STOX2: variants seen among roughly 807,000 people sequenced by gnomAD.
STOX2 encodes the protein storkhead box 2, also known as storkhead-box protein 2.
In STOX2, 28 loss-of-function variants were observed where a neutral mutation model predicts 60.9. The ratio of observed to expected loss-of-function variants is 0.46; its 90% CI spans 0.34 to 0.63. STOX2 has a LOEUF of 0.63. Ranked by LOEUF, STOX2 falls within the 30% of genes least tolerant of loss-of-function variation. The pLI, the probability that STOX2 is intolerant of heterozygous loss-of-function variation, is 0.01. For synonymous variants in STOX2, 472 were observed against 463.9 expected (o/e 1.02, Z -0.22); for missense variants, 1,024 against 1,187.7 (o/e 0.86, Z 2.03).
At chr4:184,016,626 C>T (rs528270217) in intron 3 of STOX2, among the ~76,000 whole-genome samples, 1 of 152,108 alleles carries the variant, frequency 6.6e-6, no homozygotes, top group Admixed American at 6.6e-5. Flanking sequence ...CCCCCACAGT[C>T]GAAATCTGCT....
In STOX2 at chr4:184,018,229, T is replaced by C. The variant is rs1483671949; in HGVS notation, c.*945T>C. On this transcript the variant is annotated 3_prime_UTR_variant, in exon 4 of 4. Coordinates refer to ENST00000308497, the MANE Select transcript of STOX2 (RefSeq NM_020225.3). Reference sequence around the variant, plus strand: ...ATTAGTTTGTTTAAAAGCAAAATGTTCTTTGTGATACAAATGAAGAGTAGG... The same window carrying C: ...ATTAGTTTGTTTAAAAGCAAAATGTCCTTTGTGATACAAATGAAGAGTAGG... The C allele has an allele frequency of 1.3e-5, 2 of 152,250 alleles. No homozygotes were observed. Among genetic ancestry groups the C allele is most frequent in the Non-Finnish European group, 2.9e-5 (2 of 68,046 alleles). 9.4% of individuals were successfully genotyped at this position (152,250 alleles called of 1,614,324 possible).
chr4:183,936,472 T>C (rs914694252), intron 1 of STOX2, among the ~76,000 whole-genome samples: 8 of 152,130 alleles, frequency 5.3e-5, no homozygotes, highest in African/African-American at 1.9e-4. Flanking sequence ...ATCTTTTACT[T>C]TATTGTAAGG....
At chr4:183,916,972 C>T (rs1449100740) in intron 1 of STOX2, among the ~76,000 whole-genome samples, 7 of 152,302 alleles carry the variant, frequency 4.6e-5, no homozygotes, top group Non-Finnish European at 7.3e-5. Flanking sequence ...GCACTTCTTG[C>T]GCACCTCTGA....
At chr4:184,000,114 G>A (rs758275407) in intron 1 of STOX2, among the ~76,000 whole-genome samples, 2 of 152,176 alleles carry the variant, frequency 1.3e-5, no homozygotes, top group South Asian at 2.1e-4. Flanking sequence ...AGAACCCCAG[G>A]TATAAAACAG....
rs148924692 is a variant in STOX2, at chr4:183,924,719, G to A, written c.166+17763G>A. ...GCCTAGAGGAAGAAACTGATAGGCC[G>A]GCAGTGGATAGAGATAGGCTCGCAA... On this transcript the variant is annotated intron_variant, in intron 1 of 3. Coordinates refer to ENST00000308497, the MANE Select transcript of STOX2 (RefSeq NM_020225.3). Among the ~76,000 whole-genome samples, 4 of 152,230 alleles carry A rather than the reference G, an allele frequency of 2.6e-5. No homozygotes were observed. The East Asian group carries it at 5.8e-4, about 22-fold the overall frequency.
chr4:183,874,953 ATATATATATATATATATATATATATAT>A (rs1369638143), intron 1 of STOX2, among the ~76,000 whole-genome samples: 6 of 24,610 alleles, frequency 2.4e-4, no homozygotes, highest in African/African-American at 1.0e-3. Context: ...AAAAAAAAAA[ATATATATATATATATATATATATATAT>A]ATATATATAT....
At chr4:183,976,055 G>A (rs1349429720) in intron 1 of STOX2, among the ~76,000 whole-genome samples, 2 of 152,230 alleles carry the variant, frequency 1.3e-5, no homozygotes, top group African/African-American at 4.8e-5. Flanking sequence ...GCTCACAGCT[G>A]TAATCCCAGC....
rs1739313413 is a variant in STOX2, at chr4:183,821,971, T to C, written c.364+23916T>C. Reference sequence around the variant, plus strand: ...GGACGCTTGTGTGTGGAAAAGGTGATACAGTTTGTGTCGGGTCTTGCAGCC... The same window carrying C: ...GGACGCTTGTGTGTGGAAAAGGTGACACAGTTTGTGTCGGGTCTTGCAGCC... On this transcript the variant is annotated intron_variant, in intron 1 of 2. Coordinates refer to the STOX2 transcript ENST00000513034. This position sits in a 1 kb window ranked among gnomAD's most constrained non-coding sequence, Gnocchi z 4.2. Among the ~76,000 whole-genome samples, 1 of 152,236 alleles carries C rather than the reference T, an allele frequency of 6.6e-6. No homozygotes were observed. The highest frequency in any genetic ancestry group is 2.4e-5 in the African/African-American group (1 of 41,468).
intron 1 of STOX2, among the ~76,000 whole-genome samples, chr4:183,884,557 A>G (rs35374399): frequency 0.28 from 42,334 of 152,024 alleles, 6,529 homozygotes; most frequent in South Asian, 0.35. Context: ...GAAGGATTTT[A>G]GAGGAGACAG....
At chr4:183,858,922 C>T (rs1055602238) in intron 1 of STOX2, among the ~76,000 whole-genome samples, 3 of 152,162 alleles carry the variant, frequency 2.0e-5, no homozygotes, top group Admixed American at 1.3e-4. Context: ...GTGTACTGTA[C>T]ACACCGCCCC....
chr4:183,894,991 T>C (rs1741308366), intron 1 of STOX2, among the ~76,000 whole-genome samples: 1 of 152,228 alleles, frequency 6.6e-6, no homozygotes, highest in South Asian at 2.1e-4. Flanking sequence ...TTATATGGAC[T>C]TTGTTTGGAT....
chr4:184,014,553 T>C (rs1404712821), intron 3 of STOX2: 1 of 151,630 alleles, frequency 6.6e-6, no homozygotes, highest in African/African-American at 2.4e-5. Flanking sequence ...TTTCAGGTTG[T>C]ACTCCATTAG....
chr4:183,989,187 T>TG (rs1732987965), intron 1 of STOX2, among the ~76,000 whole-genome samples: 1 of 115,966 alleles, frequency 8.6e-6, no homozygotes. Flanking sequence ...TTTTTTTTTT[T>TG]TTTTTTGTTT....
chr4:183,852,212 A>AGAAAGGATGAGG (rs1560846262), intron 1 of STOX2, among the ~76,000 whole-genome samples: 1 of 12,214 alleles, frequency 8.2e-5, no homozygotes, highest in Non-Finnish European at 1.6e-4. Flanking sequence ...AAAGGATGAG[A>AGAAAGGATGAGG]GAAAGGATGA....
In STOX2 at chr4:184,011,636, G is replaced by T; in HGVS notation, c.2585+213G>T. ...CTGTAGAGATCACCAATCTGGACTG[G>T]TGGGTTGGCTCCTCCCCTCAAACTT... On this transcript the variant is annotated intron_variant, in intron 3 of 3. Transcript: ENST00000308497. The surrounding 1 kb of genome is among the most constrained non-coding windows in gnomAD (Gnocchi z 4.4). The T allele has an allele frequency of 6.6e-7, 1 of 1,509,316 alleles. No individual in the cohort carries two copies. Among genetic ancestry groups the T allele is most frequent in the Non-Finnish European group, 8.8e-7 (1 of 1,133,004 alleles). 93.5% of individuals were successfully genotyped at this position (1,509,316 alleles called of 1,614,324 possible). A position where few individuals can be genotyped will look rare whatever the true frequency, so the allele number is the denominator to read the frequency against.
At chr4:183,910,625 A>G (rs1014949571) in intron 1 of STOX2, among the ~76,000 whole-genome samples, 2 of 152,202 alleles carry the variant, frequency 1.3e-5, no homozygotes, top group South Asian at 2.1e-4. Context: ...TACAGGTTCT[A>G]CAGCACATGA....
intron 1 of STOX2, among the ~76,000 whole-genome samples, chr4:183,966,530 G>A (rs1743574343): frequency 6.6e-6 from 1 of 152,224 alleles, no homozygotes; most frequent in Non-Finnish European, 1.5e-5. Flanking sequence ...CCTCCCGGCG[G>A]CGCCTCCCCC....
rs541698073 is a variant in STOX2, at chr4:183,825,280, C to T, written c.364+27225C>T. On this transcript the variant is annotated intron_variant, in intron 1 of 2. Transcript: ENST00000513034. This position sits in a 1 kb window ranked among gnomAD's most constrained non-coding sequence, Gnocchi z 4.1. ...ATGCATGAGGAGGAGAGGCTGTGGG[C>T]GAGGAAGGAAGGACGTGTTCTTAGG... 1.3e-5 allele frequency among the ~76,000 whole-genome samples: 2 copies of T among 152,090 alleles called. No homozygotes were observed. Among genetic ancestry groups the T allele is most frequent in the Non-Finnish European group, 2.9e-5 (2 of 67,984 alleles).
intron 1 of STOX2, among the ~76,000 whole-genome samples, chr4:183,867,866 C>T (rs11946426): frequency 0.39 from 59,242 of 152,010 alleles, 11,696 homozygotes; most frequent in Middle Eastern, 0.46. Context: ...ACTACAAGTG[C>T]CAAGAGCTAG....
Sources: gnomAD v4.1 joint callset for allele counts (sites outside exome capture counted in the v4.1 genomes callset) on GRCh38, gnomAD v4.1.1 for gene constraint, Gnocchi (gnomAD v3.1) non-coding constraint, MANE v1.5 for transcripts, NCBI Gene and HGNC (gene_info 2026-07-23, HGNC 2026-07-21) for gene names.